The following SPATA17 variants were observed in gnomAD, a reference collection of about 807,000 sequenced individuals.
SPATA17 encodes spermatogenesis associated 17.
A neutral mutation model predicts 62.2 loss-of-function variants in SPATA17; 53 were observed. The ratio of observed to expected loss-of-function variants is 0.85; its 90% confidence interval spans 0.68 to 1.07. The LOEUF (loss-of-function observed/expected upper bound fraction) is 1.07, where lower values mean the gene tolerates loss of function less well. Among genes scored for constraint, SPATA17 ranks in the 50% least tolerant of loss-of-function variants. The pLI is 0.00. For missense variants in SPATA17, 466 were observed against 425.5 expected, an observed-to-expected ratio of 1.10 and a Z score of -0.84; for synonymous variants, 146 against 146.8, an observed-to-expected ratio of 0.99 and a Z score of 0.04.
intron 9 of SPATA17, among the ~76,000 whole-genome samples, chr1:217,845,738 A>G (rs1325193660): frequency 6.6e-6 from 1 of 152,136 alleles, no homozygotes; most frequent in African/African-American, 2.4e-5. Context: ...GTTTACTTAG[A>G]CTAAGAATTA....
chr1:217,642,838 G>T (rs1670095891), intron 1 of SPATA17, among the ~76,000 whole-genome samples: 1 of 152,144 alleles, frequency 6.6e-6, no homozygotes, highest in Non-Finnish European at 1.5e-5. Flanking sequence ...TGATAAGGAG[G>T]TTTATTTATT....
intron 8 of SPATA17, among the ~76,000 whole-genome samples, chr1:217,797,251 C>CTTTTTTTTTTTT: frequency 8.3e-6 from 1 of 119,842 alleles, no homozygotes; most frequent in Non-Finnish European, 1.8e-5. Flanking sequence ...TTCTTTCTTT[C>CTTTTTTTTTTTT]TTTTTTTTTT....
intron 9 of SPATA17, among the ~76,000 whole-genome samples, chr1:217,811,806 T>A (rs1026957304): frequency 4.6e-5 from 7 of 152,222 alleles, no homozygotes; most frequent in Admixed American, 2.0e-4. Flanking sequence ...AGAAATACTT[T>A]ACAATTTGAT....
chr1:217,830,661 G>A (rs1272644673), intron 9 of SPATA17, among the ~76,000 whole-genome samples: 4 of 152,084 alleles, frequency 2.6e-5, no homozygotes, highest in African/African-American at 9.7e-5. Context: ...TCTTAGAAGA[G>A]CCTGGAAGCC....
intron 9 of SPATA17, among the ~76,000 whole-genome samples, chr1:217,852,581 G>A (rs886283016): frequency 2.0e-5 from 3 of 152,148 alleles, no homozygotes; most frequent in Admixed American, 2.0e-4. Flanking sequence ...CACCAACAGA[G>A]AAAAGGCACG....
At position 217,675,345 on chromosome 1, in the gene SPATA17, A is replaced by G. The variant is rs1030679180; in HGVS notation, c.291+6262A>G. Among the ~76,000 whole-genome samples the G allele has an allele frequency of 2.0e-5, 3 of 152,202 alleles. No individual in the cohort carries two copies. The South Asian group carries it at 6.2e-4, about 31-fold the overall frequency. ...TGTTTCTTTAATAAAGTTTACACTA[A>G]TGTTTGTAAATTCAAAAGACAAATT... On this transcript the variant is annotated intron_variant, in intron 4 of 10. Transcript: ENST00000366933.
intron 6 of SPATA17, among the ~76,000 whole-genome samples, chr1:217,758,601 C>T (rs1023160333): frequency 6.6e-6 from 1 of 152,132 alleles, no homozygotes; most frequent in Non-Finnish European, 1.5e-5. Context: ...ACTAAGCTCT[C>T]CTGCATAGTT....
At chr1:217,691,056 A>C (rs1199201821) in intron 5 of SPATA17, among the ~76,000 whole-genome samples, 1 of 145,280 alleles carries the variant, frequency 6.9e-6, no homozygotes, top group Non-Finnish European at 1.5e-5. Context: ...ATCCCTGAGG[A>C]ATTGCCACAC....
chr1:217,705,825 C>T (rs751975769), intron 5 of SPATA17, among the ~76,000 whole-genome samples: 1 of 152,096 alleles, frequency 6.6e-6, no homozygotes, highest in Non-Finnish European at 1.5e-5. Context: ...AATGGTATGT[C>T]CTAGGTTATC....
intron 9 of SPATA17, among the ~76,000 whole-genome samples, chr1:217,844,211 A>G (rs1393235737): frequency 6.6e-6 from 1 of 152,150 alleles, no homozygotes; most frequent in East Asian, 1.9e-4. Context: ...CAAGTATATC[A>G]TAGGCAAACA....
chr1:217,701,256 G>A (rs949311909), intron 5 of SPATA17, among the ~76,000 whole-genome samples: 9 of 151,872 alleles, frequency 5.9e-5, no homozygotes, highest in African/African-American at 1.7e-4. Flanking sequence ...TTACAGGCAT[G>A]AGCCGCCGCA....
chr1:217,762,763 G>T (rs923722825), intron 6 of SPATA17, among the ~76,000 whole-genome samples: 1 of 152,180 alleles, frequency 6.6e-6, no homozygotes, highest in Admixed American at 6.5e-5. Flanking sequence ...CCTGAGGTCA[G>T]GAGTTTGAGA....
intron 9 of SPATA17, among the ~76,000 whole-genome samples, chr1:217,810,486 G>A (rs942571304): frequency 1.3e-5 from 2 of 149,766 alleles, no homozygotes; most frequent in African/African-American, 2.5e-5. Flanking sequence ...AATGGATGAG[G>A]TGGCACACAC....
intron 5 of SPATA17, among the ~76,000 whole-genome samples, chr1:217,729,542 C>A (rs185651127): frequency 1.2e-4 from 19 of 152,186 alleles, no homozygotes; most frequent in Non-Finnish European, 2.6e-4. Flanking sequence ...TTTCAGTTTT[C>A]AAGAAACAAA....
chr1:217,636,091 C>T (rs1669930713), intron 1 of SPATA17, among the ~76,000 whole-genome samples: 1 of 127,468 alleles, frequency 7.8e-6, no homozygotes, highest in African/African-American at 3.1e-5. Context: ...CGAGATCGTG[C>T]CAATGCACTC....
chr1:217,853,745 A>C (rs891613382), intron 9 of SPATA17, among the ~76,000 whole-genome samples: 2 of 152,190 alleles, frequency 1.3e-5, no homozygotes, highest in Non-Finnish European at 2.9e-5. Flanking sequence ...GTGTGCTTCC[A>C]TTTAAAAACA....
chr1:217,864,489 G>GTATGTGTGTATACATATATACA (rs1288246472), intron 10 of SPATA17, among the ~76,000 whole-genome samples: 65 of 152,078 alleles, frequency 4.3e-4, no homozygotes, highest in African/African-American at 1.5e-3. Context: ...ATATACATAT[G>GTATGTGTGTATACATATATACA]TATGTGTGTA....
At chr1:217,750,319 T>A (rs1397948380) in intron 6 of SPATA17, among the ~76,000 whole-genome samples, 2 of 151,920 alleles carry the variant, frequency 1.3e-5, no homozygotes, top group Admixed American at 6.6e-5. Flanking sequence ...CCTGAGGCAA[T>A]GCCTAGAGTA....
chr1:217,686,723 G>GT (rs1460655777), intron 5 of SPATA17, among the ~76,000 whole-genome samples: 4 of 152,024 alleles, frequency 2.6e-5, no homozygotes, highest in African/African-American at 7.2e-5. Flanking sequence ...TTAACTTTTT[G>GT]TTTTTTAATT....
Sources: allele counts gnomAD v4.1 joint callset (sites outside exome capture counted in the v4.1 genomes callset), GRCh38; gene constraint gnomAD v4.1.1; transcripts MANE v1.5; gene names NCBI Gene and HGNC (gene_info 2026-07-23, HGNC 2026-07-21).